The following UGT2B15 variants were observed in gnomAD, a reference collection of about 807,000 sequenced individuals.
UGT2B15 encodes UDP-glucuronosyltransferase 2B15.
A neutral mutation model predicts 45.9 loss-of-function variants in UGT2B15; 36 were observed. The observed-to-expected ratio is 0.78, with a 90% CI of 0.60 to 1.04. The LOEUF is 1.04. UGT2B15 is among the 50% of genes least tolerant of loss of function. UGT2B15 has a pLI of 0.00. For missense variants in UGT2B15, 617 were observed against 622.4 expected (o/e 0.99, Z 0.09); for synonymous variants, 219 against 216.4 (o/e 1.01, Z -0.11).
intron 5 of UGT2B15, among the ~76,000 whole-genome samples, chr4:68,648,455 T>C (rs1732548816): frequency 6.6e-6 from 1 of 152,140 alleles, no homozygotes; most frequent in South Asian, 2.1e-4. Flanking sequence ...CCTTGTATGA[T>C]ACCTCTTGGA....
At chr4:68,668,316 T>C in intron 1 of UGT2B15, 128 bp from the exon 2 acceptor site, 4 of 1,319,410 alleles carry the variant, frequency 3.0e-6, no homozygotes, top group Non-Finnish European at 4.1e-6. Flanking sequence ...TGTGCATTGA[T>C]AAAATATATA....
intron 3 of UGT2B15, 98 bp from the exon 4 acceptor site, chr4:68,655,280 T>A (rs1464605165): frequency 1.4e-6 from 2 of 1,405,876 alleles, no homozygotes; most frequent in African/African-American, 2.9e-5. Context: ...AGTTAATCCA[T>A]ATAAAAGATG....
chr4:68,653,123 A>G (rs1176967049), intron 5 of UGT2B15, among the ~76,000 whole-genome samples: 1 of 152,066 alleles, frequency 6.6e-6, no homozygotes, highest in Admixed American at 6.6e-5. Flanking sequence ...ATAAACAACA[A>G]TTTCCCATAT....
chr4:68,656,595 T>C (rs1732813144), intron 3 of UGT2B15, among the ~76,000 whole-genome samples: 1 of 152,140 alleles, frequency 6.6e-6, no homozygotes, highest in Non-Finnish European at 1.5e-5. Context: ...CTGTGTTTGC[T>C]TCCTGTCTTT....
At chr4:68,650,195 G>T (rs2109819000) in intron 5 of UGT2B15, among the ~76,000 whole-genome samples, 1 of 152,082 alleles carries the variant, frequency 6.6e-6, no homozygotes, top group Non-Finnish European at 1.5e-5. Context: ...TGTGCAGAAT[G>T]TGCAGGTTTG....
intron 3 of UGT2B15, among the ~76,000 whole-genome samples, chr4:68,658,109 A>T (rs910920822): frequency 6.6e-6 from 1 of 152,058 alleles, no homozygotes; most frequent in African/African-American, 2.4e-5. Context: ...TACCTATTGA[A>T]ACAGGTTATC....
rs776586160 is a variant in UGT2B15 at position 68,670,235 on chromosome 4, A to G, written c.384T>C (p.Cys128=). 8.1e-6 allele frequency: 13 copies of G among 1,613,840 alleles called. No individual in the cohort carries two copies. Among genetic ancestry groups the G allele is most frequent in the African/African-American group, 2.7e-5 (2 of 74,914 alleles). ...GTTTCTTATTCAAAACTGCATCTTT[A>G]CAGAGCTTGTTACTGTAGTCATAAT... ...WEYYDYSNKL[C]KDAVLNKKLM... The change falls in exon 1 of 6, where the codon TGT becomes TGC. Residue 128 remains cysteine, a synonymous_variant. Transcript: ENST00000338206.
In UGT2B15 at chr4:68,664,947, T is replaced by G. The variant is rs559023919; in HGVS notation, c.874-1808A>C. On this transcript the variant is annotated intron_variant, in intron 2 of 5. Transcript: ENST00000338206. ...TCCAGGAACTCAGTGTAATTGCAGTTGCCTGTAGCCACATTTAATGTAACT... is the reference window on the plus strand; with the variant it reads ...TCCAGGAACTCAGTGTAATTGCAGTGGCCTGTAGCCACATTTAATGTAACT... Among the ~76,000 whole-genome samples the G allele has an allele frequency of 1.8e-4, 28 of 152,312 alleles. No individual in the cohort carries two copies. In the East Asian group the frequency reaches 4.1e-3, roughly 22 times the overall value.
intron 5 of UGT2B15, among the ~76,000 whole-genome samples, 155 bp from the exon 6 acceptor site, chr4:68,647,538 A>G (rs1483293673): frequency 6.6e-6 from 1 of 152,178 alleles, no homozygotes; most frequent in Admixed American, 6.5e-5. Context: ...TCATGTCATT[A>G]CAGAAAGTTT....
chr4:68,660,946 C>T lies in UGT2B15; in HGVS notation c.1005+2062G>A, dbSNP rs183774287. ...AGAGTAATGGGCCTATATTAATTTT[C>T]AAGGATTTTTCTTTTGTTTGGTTTT... On this transcript the variant is annotated intron_variant, in intron 3 of 5. Transcript: ENST00000338206. Among the ~76,000 whole-genome samples the T allele has an allele frequency of 8.0e-4, 121 of 152,004 alleles. No individual in the cohort carries two copies. The East Asian group carries it at 0.021, about 26-fold the overall frequency.
Position 68,670,330 on chromosome 4 carries a change from A to T in UGT2B15, c.289T>A (p.Trp97Arg), listed in dbSNP as rs774481876. Residue 97 changes from tryptophan (W) to arginine (R), a missense_variant, in exon 1 of 6, where the codon TGG becomes AGG. Around this residue, in one of 3 missense-constraint regions of UGT2B15, gnomAD observed 351 missense variants for 342.1 expected, o/e 1.03. Transcript: ENST00000338206. ...GTATTTTTTGAAACACCATATATCCATCTATCGAGAATTTTCAGAAGAGAA... is the reference window on the plus strand; with the variant it reads ...GTATTTTTTGAAACACCATATATCCTTCTATCGAGAATTTTCAGAAGAGAA... ...EDSLLKILDRWIYGVSKNTFW... is the reference protein window; with the variant it reads ...EDSLLKILDRRIYGVSKNTFW... 11 of 1,613,706 alleles carry T rather than the reference A, an allele frequency of 6.8e-6. No homozygotes were observed. In the East Asian group the frequency reaches 2.5e-4, roughly 36 times the overall value.
rs537123818 is a variant in UGT2B15, at chr4:68,659,775, G to A, written c.1005+3233C>T. Among the ~76,000 whole-genome samples, 432 of 151,962 alleles carry A rather than the reference G, an allele frequency of 2.8e-3. 2 individuals carry two copies. The highest frequency in any genetic ancestry group is 9.5e-3 in the African/African-American group (396 of 41,480). On this transcript the variant is annotated intron_variant, in intron 3 of 5. Coordinates refer to ENST00000338206, the MANE Select transcript of UGT2B15 (RefSeq NM_001076.4). ...AGTTTTTGATAATTTTGGAGATTGT[G>A]ACATTAGAATGGAAGAAAAACTTTC...
rs761314879 is a variant in UGT2B15, at chr4:68,654,271, A to T, written c.1094-15T>A. On this transcript the variant is annotated splice_polypyrimidine_tract_variant and intron_variant, in intron 4 of 5. Transcript: ENST00000338206. ...TTTGGGATGACCTAAAAGTGGATGCATTTTAACAAAATTATTAATTACAAG... is the reference window on the plus strand; with the variant it reads ...TTTGGGATGACCTAAAAGTGGATGCTTTTTAACAAAATTATTAATTACAAG... 6 of 1,608,086 alleles carry T rather than the reference A, an allele frequency of 3.7e-6. No individual in the cohort carries two copies. Among genetic ancestry groups the T allele is most frequent in the Non-Finnish European group, 5.1e-6 (6 of 1,176,330 alleles).
In UGT2B15 at chr4:68,647,216, A is replaced by G; in HGVS notation, c.1481T>C (p.Val494Ala). The stretch of plus-strand genomic sequence containing the variant: ...CACGCAGGCCAGCAGGAATGCTATC[A>G]CATCCAAAGAGTGGTACTGGATCCA... ...LTWIQYHSLD[V>A]IAFLLACVAT... is the part of the protein sequence containing the mutation. Residue 494 changes from valine to alanine, a missense_variant, in exon 6 of 6, where the codon GTG becomes GCG. This residue lies in a region of UGT2B15 where 265 missense variants were observed against 245.1 expected (regional missense o/e 1.08). Transcript: ENST00000338206. 1 of 1,614,000 alleles carries G rather than the reference A, an allele frequency of 6.2e-7. No individual in the cohort carries two copies. Among genetic ancestry groups the G allele is most frequent in the Non-Finnish European group, 8.5e-7 (1 of 1,179,926 alleles).
chr4:68,667,950 C>G, intron 2 of UGT2B15, 90 bp downstream of exon 2: 2 of 1,536,966 alleles, frequency 1.3e-6, no homozygotes, highest in South Asian at 2.5e-5. Flanking sequence ...CCATATTCCC[C>G]TCACTCTGAG....
chr4:68,654,320 C>T, intron 4 of UGT2B15, 64 bp from the exon 5 acceptor site: 2 of 1,553,250 alleles, frequency 1.3e-6, no homozygotes, highest in East Asian at 4.5e-5. Context: ...ATAAGAAATG[C>T]ACAATATAAG....
At chr4:68,660,183 T>A (rs151015354) in intron 3 of UGT2B15, among the ~76,000 whole-genome samples, 3,766 of 151,182 alleles carry the variant, frequency 0.025, 101 homozygotes, top group African/African-American at 0.064. Context: ...CTTCCACTGG[T>A]ATGGTGGGCT....
intron 5 of UGT2B15, among the ~76,000 whole-genome samples, chr4:68,651,557 G>T (rs1353728473): frequency 6.6e-6 from 1 of 151,904 alleles, no homozygotes; most frequent in Admixed American, 6.6e-5. Context: ...ACTGTAAGGT[G>T]TAAGGAAGGG....
Position 68,669,895 on chromosome 4 carries a change from C to T in UGT2B15, c.724G>A (p.Gly242Arg), listed in dbSNP as rs1179244201. The part of the protein sequence containing the change: ...KWDQFYSEVL[G>R]RPTTLFETMG... Reference sequence around the variant, plus strand: ...AGCACCAGTTAGACACATGACTTACCTAGAACTTCACTATAAAACTGGTCC... The same window carrying T: ...AGCACCAGTTAGACACATGACTTACTTAGAACTTCACTATAAAACTGGTCC... The change falls in exon 1 of 6, where the codon GGA (glycine) becomes AGA (arginine). Residue 242 changes from glycine to arginine, a missense_variant and splice_region_variant. Around this residue, in one of 3 missense-constraint regions of UGT2B15, gnomAD observed 351 missense variants for 342.1 expected, o/e 1.03. Coordinates refer to ENST00000338206, the MANE Select transcript of UGT2B15 (RefSeq NM_001076.4). The T allele has an allele frequency of 2.5e-6, 4 of 1,605,662 alleles. No homozygotes were observed. The highest frequency in any genetic ancestry group is 4.5e-5 in the East Asian group (2 of 44,824).
Sources: allele counts gnomAD v4.1 joint callset (sites outside exome capture counted in the v4.1 genomes callset), GRCh38; gene constraint gnomAD v4.1.1; regional missense constraint gnomAD v4.1.1; transcripts MANE v1.5; gene names NCBI Gene and HGNC (gene_info 2026-07-23, HGNC 2026-07-21).